CNGB1: variants seen among roughly 807,000 people sequenced by gnomAD.
CNGB1 encodes the protein cyclic nucleotide-gated channel beta-1.
CNGB1 carries 126 observed loss-of-function variants against 151.7 expected under a neutral mutation model. The observed-to-expected ratio is 0.83, with a 90% CI of 0.72 to 0.96. CNGB1 has a LOEUF of 0.96. Among genes scored for constraint, CNGB1 ranks in the 40% least tolerant of loss-of-function variants. CNGB1 has a pLI of 0.00. For missense variants in CNGB1, 1,698 were observed against 1,627.0 expected (o/e 1.04, Z -0.75); for synonymous variants, 623 against 635.1 (o/e 0.98, Z 0.29).
At chr16:57,964,591 TG>T in intron 2 of CNGB1, 47 bp from the exon 3 acceptor site, 2 of 1,604,964 alleles carry the variant, frequency 1.2e-6, no homozygotes, top group Non-Finnish European at 1.7e-6. Context: ...GAGACCAGCC[TG>T]GTTTGGACAG....
intron 12 of CNGB1, 91 bp from the exon 13 acceptor site, chr16:57,950,631 C>A: frequency 8.1e-7 from 1 of 1,236,960 alleles, no homozygotes; most frequent in Non-Finnish European, 1.1e-6. Context: ...GGAGCCCTGG[C>A]TGTCGCCAGC....
At position 57,883,762 on chromosome 16, in the gene CNGB1, AGGGGAAACCCCACAC is replaced by A; in HGVS notation, c.*387_*401del. ...TTGAAATGTGTTAGACAAATTCCTG[AGGGGAAACCCCACAC>A]ATTCAATAACACTTTACTTTTTCAG... is the stretch of plus-strand genomic sequence containing the variant. On this transcript the variant is annotated 3_prime_UTR_variant, in exon 33 of 33. Transcript: ENST00000251102. The A allele has an allele frequency of 3.6e-6, 1 of 275,732 alleles. No individual in the cohort carries two copies. The highest frequency in any genetic ancestry group is 5.1e-5 in the Admixed American group (1 of 19,768). 17.1% of individuals were successfully genotyped at this position (275,732 alleles called of 1,614,324 possible). A position where few individuals can be genotyped will look rare whatever the true frequency, so the allele number is the denominator to read the frequency against.
At chr16:57,895,569 T>A (rs1242231926) in intron 31 of CNGB1, among the ~76,000 whole-genome samples, 2 of 147,170 alleles carry the variant, frequency 1.4e-5, no homozygotes, top group African/African-American at 5.0e-5. Flanking sequence ...ATATATATAT[T>A]TGTACTTATA....
chr16:57,942,501 C>G (rs1317418435), intron 14 of CNGB1, among the ~76,000 whole-genome samples: 1 of 152,018 alleles, frequency 6.6e-6, no homozygotes, highest in Non-Finnish European at 1.5e-5. Context: ...AAATAAAATG[C>G]TTAGGAATAA....
At position 57,904,078 on chromosome 16, in the gene CNGB1, G is replaced by A. The variant is rs1018399523; in HGVS notation, c.2635-97C>T. ...GGATGTGTCACTTCACACAGACCAC[G>A]GGCATGTGCTCCTGGCAGGGCGTTG... On this transcript the variant is annotated intron_variant, in intron 26 of 32. Transcript: ENST00000251102. The A allele has an allele frequency of 1.5e-4, 172 of 1,132,532 alleles. 2 individuals are homozygous for A. Among genetic ancestry groups the A allele is most frequent in the South Asian group, 1.5e-3 (115 of 77,014 alleles). 70.2% of individuals were successfully genotyped at this position (1,132,532 alleles called of 1,614,324 possible). A position where few individuals can be genotyped will look rare whatever the true frequency, so the allele number is the denominator to read the frequency against.
intron 31 of CNGB1, among the ~76,000 whole-genome samples, chr16:57,891,291 T>C (rs1281056694): frequency 6.6e-6 from 1 of 152,168 alleles, no homozygotes; most frequent in Non-Finnish European, 1.5e-5. Context: ...ACATTGTTCC[T>C]AGGGGAAATA....
chr16:57,920,344 C>T (rs1457549136), intron 19 of CNGB1, 43 bp downstream of exon 19: 2 of 1,608,384 alleles, frequency 1.2e-6, no homozygotes, highest in Non-Finnish European at 8.5e-7. Flanking sequence ...GGAGGCCCCA[C>T]CCCATCCCCA....
At chr16:57,940,568 G>T (rs1466655034) in intron 14 of CNGB1, among the ~76,000 whole-genome samples, 1 of 152,142 alleles carries the variant, frequency 6.6e-6, no homozygotes, top group African/African-American at 2.4e-5. Context: ...CTTCCTAGAG[G>T]AGGTGGCCTG....
intron 18 of CNGB1, among the ~76,000 whole-genome samples, chr16:57,921,510 C>T (rs1456078476): frequency 6.6e-6 from 1 of 152,148 alleles, no homozygotes; most frequent in African/African-American, 2.4e-5. Context: ...GCGTGAGACA[C>T]CGTGCCCGGC....
intron 17 of CNGB1, 147 bp from the exon 18 acceptor site, chr16:57,923,527 G>T (rs1961106085): frequency 2.9e-6 from 2 of 684,918 alleles, no homozygotes; most frequent in East Asian, 3.0e-5. Flanking sequence ...GTCCTCATTT[G>T]CCTGGAGGGA....
intron 17 of CNGB1, among the ~76,000 whole-genome samples, chr16:57,925,126 C>A (rs1235237134): frequency 6.6e-6 from 1 of 152,070 alleles, no homozygotes; most frequent in Admixed American, 6.6e-5. Flanking sequence ...CCTCAGCCTC[C>A]CAAGTAGCTG....
intron 31 of CNGB1, among the ~76,000 whole-genome samples, chr16:57,889,779 A>T (rs139034344): frequency 1.3e-5 from 2 of 152,322 alleles, no homozygotes; most frequent in African/African-American, 4.8e-5. Flanking sequence ...CAAAGCTAGA[A>T]TTCAAACCCA....
intron 29 of CNGB1, among the ~76,000 whole-genome samples, chr16:57,900,740 T>A (rs1365339168): frequency 6.6e-6 from 1 of 152,126 alleles, no homozygotes; most frequent in East Asian, 1.9e-4. Flanking sequence ...CCTCTTGCCA[T>A]TTGGGAAAGT....
Position 57,897,375 on chromosome 16 carries a change from A to G in CNGB1, c.3242+22T>C, listed in dbSNP as rs866891545. On this transcript the variant is annotated intron_variant, in intron 31 of 32. Coordinates refer to ENST00000251102, the MANE Select transcript of CNGB1 (RefSeq NM_001297.5). ...TCATTGTCCTTAGCAATTTTTTATT[A>G]AACGAAAGAAAAGTTACATACCTGG... 3.1e-6 allele frequency: 5 copies of G among 1,613,624 alleles called. No individual in the cohort carries two copies. In the African/African-American group the frequency reaches 4.0e-5, roughly 13 times the overall value.
Position 57,883,119 on chromosome 16 carries a change from T to C in CNGB1, c.*1045A>G, listed in dbSNP as rs963715104. The C allele has an allele frequency of 6.6e-6, 1 of 152,198 alleles. No homozygotes were observed. Among genetic ancestry groups the C allele is most frequent in the Admixed American group, 6.5e-5 (1 of 15,276 alleles). The allele number at this position is 152,198 out of a possible 1,614,324, so 9.4% of individuals were successfully genotyped here. A position where few individuals can be genotyped will look rare whatever the true frequency, so the allele number is the denominator to read the frequency against. ...ATAATGGCATTGCATTGGAATTGAA[T>C]AGAGTCTGGGGAAGATAAGCACTAA... is the stretch of plus-strand genomic sequence containing the variant. On this transcript the variant is annotated 3_prime_UTR_variant, in exon 33 of 33. Coordinates refer to ENST00000251102, the MANE Select transcript of CNGB1 (RefSeq NM_001297.5).
In CNGB1 at chr16:57,897,837, C is replaced by T; in HGVS notation, c.3054G>A (p.Val1018=). ...CAGATCCAGCTTTCAGCGTCACCAG[C>T]ACAGATTTCCCATCAGGGCCGCCCA... is the stretch of plus-strand genomic sequence containing the variant. ...QVLGGPDGKS[V]LVTLKAGSVF... The change falls in exon 30 of 33, where the codon GTG becomes GTA. Residue 1018 remains valine (V), a synonymous_variant. Transcript: ENST00000251102. The T allele has an allele frequency of 1.2e-6, 2 of 1,614,212 alleles. No individual in the cohort carries two copies. The highest frequency in any genetic ancestry group is 1.1e-5 in the South Asian group (1 of 91,084).
intron 31 of CNGB1, among the ~76,000 whole-genome samples, chr16:57,891,369 C>T (rs1469649007): frequency 1.3e-5 from 2 of 152,130 alleles, no homozygotes; most frequent in African/African-American, 4.8e-5. Context: ...CTTGGCCAGG[C>T]GTGGTGGTTC....
intron 31 of CNGB1, among the ~76,000 whole-genome samples, chr16:57,893,782 G>A (rs1960156055): frequency 6.6e-6 from 1 of 152,110 alleles, no homozygotes; most frequent in Non-Finnish European, 1.5e-5. Flanking sequence ...CTCCAGCCTT[G>A]GCGACAAAGC....
At position 57,923,256 on chromosome 16, in the gene CNGB1, C is replaced by G; in HGVS notation, c.1643+17G>C. On this transcript the variant is annotated intron_variant, in intron 18 of 32. Transcript: ENST00000251102. ...CCCGCAGTCTTTCAATTTTCTGAGA[C>G]CCCAGAGGGGTCTCACTCAGTGTCC... 1 of 1,520,662 alleles carries G rather than the reference C, an allele frequency of 6.6e-7. No individual in the cohort carries two copies. Among genetic ancestry groups the G allele is most frequent in the Non-Finnish European group, 9.0e-7 (1 of 1,107,436 alleles). 94.2% of individuals were successfully genotyped at this position (1,520,662 alleles called of 1,614,324 possible). A position where few individuals can be genotyped will look rare whatever the true frequency, so the allele number is the denominator to read the frequency against.
Sources: allele counts gnomAD v4.1 joint callset (sites outside exome capture counted in the v4.1 genomes callset), GRCh38; gene constraint gnomAD v4.1.1; transcripts MANE v1.5; gene names NCBI Gene and HGNC (gene_info 2026-07-23, HGNC 2026-07-21).